The following ATP6V0D2 variants were observed in gnomAD, a reference collection of about 807,000 sequenced individuals.
ATP6V0D2 encodes V-type proton ATPase subunit d 2.
A neutral mutation model predicts 40.0 loss-of-function variants in ATP6V0D2; 40 were observed. The observed-to-expected ratio is 1.00, with a 90% CI of 0.78 to 1.30. ATP6V0D2 has a LOEUF of 1.30. ATP6V0D2 is among the 50% of genes most tolerant of loss of function. The probability of loss-of-function intolerance (pLI) is 0.00; values close to 1 mark genes in which losing one functional copy is unlikely to be tolerated. For missense variants in ATP6V0D2, 470 were observed against 423.1 expected (o/e 1.11, Z -0.97); for synonymous variants, 179 against 156.3 (o/e 1.15, Z -1.08).
chr8:86,142,422 G>A (rs1167509009), intron 4 of ATP6V0D2, among the ~76,000 whole-genome samples: 1 of 152,206 alleles, frequency 6.6e-6, no homozygotes, highest in African/African-American at 2.4e-5. Flanking sequence ...AAACGTATTA[G>A]AGTTGGGATC....
At chr8:86,115,638 G>A (rs1185480070) in intron 2 of ATP6V0D2, among the ~76,000 whole-genome samples, 1 of 151,914 alleles carries the variant, frequency 6.6e-6, no homozygotes, top group Non-Finnish European at 1.5e-5. Context: ...CCAAAGTGCT[G>A]GGATTACAGG....
chr8:86,154,225 C>T lies in ATP6V0D2; in HGVS notation c.*1248C>T, dbSNP rs754099425. On this transcript the variant is annotated 3_prime_UTR_variant, in exon 8 of 8. Transcript: ENST00000285393. ...TTCTTTAAATAAAAGGTATATCTCT[C>T]TTTCTTGTGGTTTCTTCCTTCTTTA... 22 of 152,200 alleles carry T rather than the reference C, an allele frequency of 1.4e-4. No individual in the cohort carries two copies. Among genetic ancestry groups the T allele is most frequent in the Non-Finnish European group, 2.6e-4 (18 of 68,034 alleles). The allele number at this position is 152,200 out of a possible 1,614,324, so 9.4% of individuals were successfully genotyped here.
At position 86,111,164 on chromosome 8, in the gene ATP6V0D2, G is replaced by A. The variant is rs375798266; in HGVS notation, c.131-2545G>A. Among the ~76,000 whole-genome samples, 261 of 149,076 alleles carry A rather than the reference G, an allele frequency of 1.8e-3. 1 individual carries two copies. Among genetic ancestry groups the A allele is most frequent in the African/African-American group, 6.4e-3 (256 of 40,190 alleles). On this transcript the variant is annotated intron_variant, in intron 1 of 7. Transcript: ENST00000285393. ...CCTCTCACTTGTCCCCCACTAAGTC[G>A]TTTTTTTCTTTTTTTTTCTTTCTTT...
chr8:86,104,895 A>G (rs949244975), intron 1 of ATP6V0D2, among the ~76,000 whole-genome samples: 2 of 148,800 alleles, frequency 1.3e-5, no homozygotes, highest in Non-Finnish European at 3.0e-5. Context: ...AGCTTCCATC[A>G]GGCAAGATAA....
intron 2 of ATP6V0D2, among the ~76,000 whole-genome samples, chr8:86,115,060 A>G (rs1818575361): frequency 6.6e-6 from 1 of 152,206 alleles, no homozygotes; most frequent in Admixed American, 6.5e-5. Flanking sequence ...GTAGGAAATT[A>G]GAGACATGTT....
intron 1 of ATP6V0D2, among the ~76,000 whole-genome samples, chr8:86,102,597 G>A (rs745852604): frequency 7.2e-5 from 11 of 152,170 alleles, no homozygotes; most frequent in Non-Finnish European, 1.0e-4. Context: ...AACATAATAA[G>A]GTTTTGGGTA....
chr8:86,123,011 A>G (rs1818693148), intron 2 of ATP6V0D2, among the ~76,000 whole-genome samples: 1 of 152,172 alleles, frequency 6.6e-6, no homozygotes, highest in South Asian at 2.1e-4. Context: ...TGTGCTGCAG[A>G]CGATACCCCC....
intron 2 of ATP6V0D2, among the ~76,000 whole-genome samples, chr8:86,139,225 C>A (rs1184500889): frequency 5.8e-5 from 4 of 69,458 alleles, no homozygotes; most frequent in African/African-American, 2.4e-4. Context: ...GAGACTTGGT[C>A]TCAAAAAAAA....
intron 2 of ATP6V0D2, among the ~76,000 whole-genome samples, chr8:86,129,490 A>G (rs1464522473): frequency 6.6e-6 from 1 of 151,362 alleles, no homozygotes; most frequent in Non-Finnish European, 1.5e-5. Context: ...AGCCTAGGCA[A>G]CACAGGGAGA....
chr8:86,108,874 T>A (rs1002311078), intron 1 of ATP6V0D2, among the ~76,000 whole-genome samples: 1 of 152,236 alleles, frequency 6.6e-6, no homozygotes, highest in South Asian at 2.1e-4. Flanking sequence ...GTTTATATTA[T>A]GACTCAGTGC....
intron 2 of ATP6V0D2, among the ~76,000 whole-genome samples, chr8:86,118,354 G>A (rs1183073625): frequency 1.3e-5 from 2 of 151,660 alleles, no homozygotes; most frequent in African/African-American, 2.4e-5. Context: ...GATTACAGGC[G>A]TGAGCCACCG....
intron 2 of ATP6V0D2, among the ~76,000 whole-genome samples, chr8:86,134,521 T>C (rs1818871169): frequency 6.6e-6 from 1 of 152,098 alleles, no homozygotes; most frequent in Non-Finnish European, 1.5e-5. Context: ...GAAATATAAG[T>C]TATAAACAGG....
At position 86,126,101 on chromosome 8, in the gene ATP6V0D2, C is replaced by A. The variant is rs186211346; in HGVS notation, c.302+12221C>A. ...TACAGGCATGCACCATCATGACCAG[C>A]TAATTTCTGTATTTTTATAGAGACT... On this transcript the variant is annotated intron_variant, in intron 2 of 7. Transcript: ENST00000285393. Among the ~76,000 whole-genome samples, 123 of 149,744 alleles carry A rather than the reference C, an allele frequency of 8.2e-4. 1 individual carries two copies. Among genetic ancestry groups the A allele is most frequent in the African/African-American group, 2.9e-3 (121 of 41,184 alleles).
chr8:86,145,168 AAGAG>A (rs1208497912), intron 5 of ATP6V0D2, among the ~76,000 whole-genome samples: 20 of 60,828 alleles, frequency 3.3e-4, no homozygotes, highest in African/African-American at 1.1e-3. Context: ...CTCAGAAAGA[AAGAG>A]AGAAAGAGAG....
rs375530582 is a variant in ATP6V0D2 at position 86,130,464 on chromosome 8, A to G, written c.303-8993A>G. Among the ~76,000 whole-genome samples, 11 of 152,330 alleles carry G rather than the reference A, an allele frequency of 7.2e-5. 1 individual carries two copies. Among genetic ancestry groups the G allele is most frequent in the African/African-American group, 2.6e-4 (11 of 41,588 alleles). On this transcript the variant is annotated intron_variant, in intron 2 of 7. Transcript: ENST00000285393. Reference sequence around the variant, plus strand: ...AATCTAAAATTATTCTAAAAATTAAATTATGTTAAAAATAATTTTACAAAA... The same window carrying G: ...AATCTAAAATTATTCTAAAAATTAAGTTATGTTAAAAATAATTTTACAAAA...
At chr8:86,131,589 C>A (rs960386166) in intron 2 of ATP6V0D2, among the ~76,000 whole-genome samples, 1 of 152,030 alleles carries the variant, frequency 6.6e-6, no homozygotes, top group African/African-American at 2.4e-5. Context: ...CAACTTCTGC[C>A]TCCCGGGTTC....
At chr8:86,104,943 A>C (rs1414805362) in intron 1 of ATP6V0D2, among the ~76,000 whole-genome samples, 3 of 151,974 alleles carry the variant, frequency 2.0e-5, no homozygotes, top group African/African-American at 7.3e-5. Flanking sequence ...TCCACCTTGT[A>C]AGCCCTTCGT....
At chr8:86,135,831 C>A (rs1419803900) in intron 2 of ATP6V0D2, among the ~76,000 whole-genome samples, 1 of 152,098 alleles carries the variant, frequency 6.6e-6, no homozygotes, top group Non-Finnish European at 1.5e-5. Context: ...GGTAAACATC[C>A]TGGTGTCTTT....
rs150126691 is a variant in ATP6V0D2 at position 86,151,522 on chromosome 8, C to T, written c.873C>T (p.Asp291=). ...GCAGTGGGGGAAAGACATTGGAGGA[C>T]GTGTTTTACGAGCGTGAGGTATGAT... ...VGGSGGKTLE[D]VFYEREVQMN... is the part of the protein sequence containing the mutation. Residue 291 remains aspartate, a synonymous_variant, in exon 7 of 8, where the codon GAC becomes GAT. Coordinates refer to ENST00000285393, the MANE Select transcript of ATP6V0D2 (RefSeq NM_152565.1). 3.5e-4 allele frequency: 561 copies of T among 1,607,388 alleles called. 11 individuals carry two copies. In the South Asian group the frequency reaches 4.9e-3, roughly 14 times the overall value.
Sources: gnomAD v4.1 joint callset for allele counts (sites outside exome capture counted in the v4.1 genomes callset) on GRCh38, gnomAD v4.1.1 for gene constraint, MANE v1.5 for transcripts, NCBI Gene and HGNC (gene_info 2026-07-23, HGNC 2026-07-21) for gene names.